The following WDSUB1 variants were observed in gnomAD, a reference collection of about 807,000 sequenced individuals.
WDSUB1 encodes WD repeat, sterile alpha motif and U-box domain containing 1, also known as WD repeat, SAM and U-box domain-containing protein 1.
A neutral mutation model predicts 53.9 loss-of-function variants in WDSUB1; 49 were observed. The ratio of observed to expected loss-of-function variants is 0.91; its 90% CI spans 0.72 to 1.15. WDSUB1 has a LOEUF of 1.15. Ranked by LOEUF, WDSUB1 falls within the 50% of genes most tolerant of loss-of-function variation. The pLI is 0.00. For synonymous variants in WDSUB1, 194 were observed against 200.6 expected (o/e 0.97, Z 0.28); for missense variants, 514 against 562.0 (o/e 0.91, Z 0.86).
At chr2:159,248,345 T>C in intron 10 of WDSUB1, 27 bp downstream of exon 10, 1 of 1,602,798 alleles carries the variant, frequency 6.2e-7, no homozygotes, top group Non-Finnish European at 8.5e-7. Flanking sequence ...AAACATCCCC[T>C]GCAACTTAGT....
intron 5 of WDSUB1, among the ~76,000 whole-genome samples, chr2:159,266,378 T>C (rs1309553058): frequency 1.3e-5 from 2 of 152,108 alleles, no homozygotes; most frequent in East Asian, 1.9e-4. Flanking sequence ...TTAGTACAGA[T>C]GGGGTTTCAC....
At chr2:159,281,127 A>T (rs1233275268) in intron 2 of WDSUB1, among the ~76,000 whole-genome samples, 1 of 152,240 alleles carries the variant, frequency 6.6e-6, no homozygotes, top group African/African-American at 2.4e-5. Context: ...GTGCTCTAAA[A>T]GATGTTGGGA....
In WDSUB1 at chr2:159,280,733, C is replaced by G. The variant is rs1277760560; in HGVS notation, c.399-788G>C. The stretch of plus-strand genomic sequence containing the variant: ...AATTACCCAGAAGCAATGGCGAGGT[C>G]TTCAAATATAAATTATTTATGAAAG... On this transcript the variant is annotated intron_variant, in intron 2 of 10. Coordinates refer to ENST00000359774, the MANE Select transcript of WDSUB1 (RefSeq NM_001128212.3). Among the ~76,000 whole-genome samples the G allele has an allele frequency of 2.7e-5, 4 of 145,658 alleles. No homozygotes were observed. In the East Asian group the frequency reaches 7.8e-4, roughly 28 times the overall value.
chr2:159,265,123 C>CA (rs144543167), intron 5 of WDSUB1, among the ~76,000 whole-genome samples: 134 of 146,440 alleles, frequency 9.2e-4, no homozygotes, highest in South Asian at 1.7e-3. Flanking sequence ...ACAACAACAA[C>CA]AAAAAAAAAC....
At chr2:159,266,702 C>T (rs1320563806) in intron 5 of WDSUB1, among the ~76,000 whole-genome samples, 2 of 152,206 alleles carry the variant, frequency 1.3e-5, no homozygotes, top group African/African-American at 4.8e-5. Context: ...TTAGAAGTTT[C>T]AGAAGTTCTC....
At chr2:159,243,240 C>T (rs2060707473) in intron 10 of WDSUB1, among the ~76,000 whole-genome samples, 1 of 147,962 alleles carries the variant, frequency 6.8e-6, no homozygotes, top group Admixed American at 6.6e-5. Context: ...TGTTTTACTA[C>T]ATGATTCCAC....
intron 9 of WDSUB1, 110 bp downstream of exon 9, chr2:159,256,086 T>C: frequency 1.0e-6 from 1 of 991,656 alleles, no homozygotes; most frequent in Non-Finnish European, 1.5e-6. Flanking sequence ...AGATGGGTCA[T>C]TAGTGTAGTG....
At chr2:159,240,026 A>G (rs2060602447) in intron 10 of WDSUB1, among the ~76,000 whole-genome samples, 1 of 152,182 alleles carries the variant, frequency 6.6e-6, no homozygotes, top group Non-Finnish European at 1.5e-5. Context: ...AGAGTTGTGT[A>G]TCACTCCATC....
chr2:159,272,476 G>A (rs572190848), intron 4 of WDSUB1, among the ~76,000 whole-genome samples: 2 of 152,188 alleles, frequency 1.3e-5, no homozygotes, highest in Non-Finnish European at 2.9e-5. Flanking sequence ...CTGGCAAGCA[G>A]AAAGGAGCAA....
intron 10 of WDSUB1, among the ~76,000 whole-genome samples, chr2:159,239,513 G>A (rs947797908): frequency 7.7e-6 from 1 of 130,198 alleles, no homozygotes; most frequent in Non-Finnish European, 1.5e-5. Flanking sequence ...TGGTGGGGGG[G>A]CAAGGGGTGG....
Position 159,256,228 on chromosome 2 carries a change from G to C in WDSUB1, c.1100C>G (p.Thr367Arg), listed in dbSNP as rs2061058474. The C allele has an allele frequency of 6.2e-7, 1 of 1,602,410 alleles. No individual in the cohort carries two copies. The highest frequency in any genetic ancestry group is 1.8e-5 in the Admixed American group (1 of 57,138). The change falls in exon 9 of 11, where the codon ACA becomes AGA. Residue 367 changes from threonine (T) to arginine (R), a missense_variant. Transcript: ENST00000359774. ...NIDGKELLNL[T>R]KESLADDLKI... Reference sequence around the variant, plus strand: ...CAAATCATCAGCCAGACTTTCTTTTGTAAGATTCAACAGTTCTTTTCCATC... The same window carrying C: ...CAAATCATCAGCCAGACTTTCTTTTCTAAGATTCAACAGTTCTTTTCCATC...
At chr2:159,259,366 C>A (rs1389709910) in intron 6 of WDSUB1, among the ~76,000 whole-genome samples, 2 of 152,116 alleles carry the variant, frequency 1.3e-5, no homozygotes, top group Non-Finnish European at 2.9e-5. Flanking sequence ...TAAAAAACTC[C>A]CATTTTCCAA....
intron 1 of WDSUB1, among the ~76,000 whole-genome samples, chr2:159,284,570 T>C (rs947560432): frequency 1.3e-5 from 2 of 152,136 alleles, no homozygotes; most frequent in Admixed American, 1.3e-4. Context: ...TGGTTTGTCA[T>C]CCTGTCTGAT....
At chr2:159,259,896 AT>A (rs1198899543) in intron 5 of WDSUB1, 53 bp from the exon 6 acceptor site, 1 of 1,406,352 alleles carries the variant, frequency 7.1e-7, no homozygotes, top group Non-Finnish European at 9.5e-7. Context: ...AAAGTACAGC[AT>A]TTATGTAATT....
intron 6 of WDSUB1, among the ~76,000 whole-genome samples, chr2:159,258,311 C>A (rs1351437439): frequency 2.6e-5 from 4 of 152,134 alleles, no homozygotes; most frequent in African/African-American, 9.7e-5. Context: ...TGAAATAATT[C>A]ATATTTTTGA....
intron 10 of WDSUB1, among the ~76,000 whole-genome samples, chr2:159,246,069 A>G (rs2060788278): frequency 6.6e-6 from 1 of 152,220 alleles, no homozygotes; most frequent in Non-Finnish European, 1.5e-5. Flanking sequence ...CAGAAATGAT[A>G]TATGACTGGA....
At chr2:159,261,332 G>T (rs2061183934) in intron 5 of WDSUB1, among the ~76,000 whole-genome samples, 1 of 152,058 alleles carries the variant, frequency 6.6e-6, no homozygotes, top group Admixed American at 6.6e-5. Flanking sequence ...CACAGGTTTT[G>T]GTATCCAAGG....
intron 6 of WDSUB1, among the ~76,000 whole-genome samples, chr2:159,259,490 T>C (rs959956358): frequency 2.0e-5 from 3 of 152,236 alleles, no homozygotes; most frequent in Non-Finnish European, 4.4e-5. Flanking sequence ...ACATTCATCC[T>C]TTGCTATTAT....
At chr2:159,247,366 T>C (rs1484427865) in intron 10 of WDSUB1, among the ~76,000 whole-genome samples, 1 of 152,186 alleles carries the variant, frequency 6.6e-6, no homozygotes, top group African/African-American at 2.4e-5. Flanking sequence ...TATACTCAAA[T>C]ATATGTAAAT....
Sources: gnomAD v4.1 joint callset for allele counts (sites outside exome capture counted in the v4.1 genomes callset) on GRCh38, gnomAD v4.1.1 for gene constraint, MANE v1.5 for transcripts, NCBI Gene and HGNC (gene_info 2026-07-23, HGNC 2026-07-21) for gene names.